The following TRIO variants were observed in gnomAD, a reference collection of about 807,000 sequenced individuals.
The protein encoded by TRIO is trio Rho guanine nucleotide exchange factor.
In TRIO, 58 loss-of-function variants were observed where a neutral mutation model predicts 351.9. That is an observed-to-expected ratio of 0.16 (90% confidence interval 0.13 to 0.21). TRIO has a LOEUF of 0.21. Ranked by LOEUF, TRIO falls within the 10% of genes least tolerant of loss-of-function variation. TRIO has a pLI of 1.00. For missense variants in TRIO, 3,201 were observed against 4,027.8 expected (o/e 0.79, Z 5.56); for synonymous variants, 1,758 against 1,595.7 (o/e 1.10, Z -2.42).
chr5:14,172,644 C>T (rs1334002038), intron 1 of TRIO, among the ~76,000 whole-genome samples: 1 of 152,120 alleles, frequency 6.6e-6, no homozygotes, highest in African/African-American at 2.4e-5. Flanking sequence ...CAGTGAAGTG[C>T]GGAATTAGAG....
intron 33 of TRIO, among the ~76,000 whole-genome samples, chr5:14,417,531 C>G (rs1324083278): frequency 2.0e-5 from 3 of 152,222 alleles, no homozygotes; most frequent in African/African-American, 7.2e-5. Context: ...TCCTGGGTCT[C>G]TGGGTGTGGG....
Position 14,498,980 on chromosome 5 carries a change from G to A in TRIO, c.8332+340G>A, listed in dbSNP as rs1045340879. 66 of 261,504 alleles carry A rather than the reference G, an allele frequency of 2.5e-4. 1 individual carries two copies. Among genetic ancestry groups the A allele is most frequent in the Admixed American group, 1.8e-3 (40 of 22,356 alleles). The allele number at this position is 261,504 out of a possible 1,614,324, so 16.2% of individuals were successfully genotyped here. ...TCTGAGTTGGAGCAGGGTGCTTTCC[G>A]TGCTCCTAGTACTCAAAACACTCAT... is the stretch of plus-strand genomic sequence containing the variant. On this transcript the variant is annotated intron_variant, in intron 53 of 56. Transcript: ENST00000344204.
intron 1 of TRIO, among the ~76,000 whole-genome samples, chr5:14,202,333 T>C: frequency 8.7e-6 from 1 of 115,370 alleles, no homozygotes; most frequent in Non-Finnish European, 1.8e-5. Context: ...TTTTTTTTGC[T>C]CATCAGCTAT....
At chr5:14,157,599 CTT>C (rs1306972979) in intron 1 of TRIO, among the ~76,000 whole-genome samples, 3 of 151,592 alleles carry the variant, frequency 2.0e-5, no homozygotes, top group African/African-American at 7.3e-5. Flanking sequence ...CTCTTTCTCT[CTT>C]TCTTTCGAGA....
intron 1 of TRIO, among the ~76,000 whole-genome samples, chr5:14,177,172 A>G (rs1789456248): frequency 6.6e-6 from 1 of 152,204 alleles, no homozygotes; most frequent in African/African-American, 2.4e-5. Flanking sequence ...TTATTCTGGA[A>G]TTCACTTGAG....
At chr5:14,480,130 A>G in intron 43 of TRIO, 119 bp downstream of exon 43, 1 of 868,620 alleles carries the variant, frequency 1.2e-6, no homozygotes, top group Admixed American at 2.4e-5. Flanking sequence ...CAGGTATATT[A>G]TTTCTGATAA....
At chr5:14,357,243 C>A (rs1029514920) in intron 11 of TRIO, among the ~76,000 whole-genome samples, 9 of 152,226 alleles carry the variant, frequency 5.9e-5, no homozygotes, top group African/African-American at 9.6e-5. Flanking sequence ...CGACTTGCCC[C>A]ATCTCACCAG....
intron 56 of TRIO, 51 bp downstream of exon 56, chr5:14,507,311 C>T (rs753767000): frequency 1.3e-6 from 2 of 1,598,126 alleles, no homozygotes; most frequent in Admixed American, 1.8e-5. Context: ...ACCGGCTTGG[C>T]CATGCGGGAC....
intron 11 of TRIO, among the ~76,000 whole-genome samples, chr5:14,357,792 C>T (rs896066916): frequency 3.3e-5 from 5 of 152,118 alleles, no homozygotes; most frequent in African/African-American, 4.8e-5. Context: ...AGTAAGAGCC[C>T]GAGACATATC....
chr5:14,367,095 G>A (rs1366961558), intron 16 of TRIO, 116 bp downstream of exon 16: 53 of 1,410,388 alleles, frequency 3.8e-5, no homozygotes, highest in African/African-American at 2.9e-5. Context: ...TGGTAAAGAC[G>A]ACTCAGAGGA....
chr5:14,416,842 T>C (rs1267247684), intron 33 of TRIO, among the ~76,000 whole-genome samples: 2 of 152,174 alleles, frequency 1.3e-5, no homozygotes, highest in East Asian at 3.9e-4. Flanking sequence ...GATGAGACAG[T>C]GCACTTCCCA....
At chr5:14,344,333 A>G (rs1199045410) in intron 11 of TRIO, among the ~76,000 whole-genome samples, 1 of 152,224 alleles carries the variant, frequency 6.6e-6, no homozygotes, top group Non-Finnish European at 1.5e-5. Context: ...TGGTCTTCCC[A>G]TTGGTGGGAA....
At chr5:14,163,150 T>C (rs1788572291) in intron 1 of TRIO, among the ~76,000 whole-genome samples, 1 of 152,200 alleles carries the variant, frequency 6.6e-6, no homozygotes, top group African/African-American at 2.4e-5. Flanking sequence ...TTAGTCCTTA[T>C]GCCCTCCCTC....
At chr5:14,477,374 T>C (rs1755161902) in intron 41 of TRIO, 1 of 153,930 alleles carries the variant, frequency 6.5e-6, no homozygotes, top group African/African-American at 2.4e-5. Flanking sequence ...AAAATCATGA[T>C]ATATTTTTAG....
intron 34 of TRIO, among the ~76,000 whole-genome samples, chr5:14,431,873 A>G (rs3891267): frequency 2.0e-5 from 3 of 152,158 alleles, no homozygotes; most frequent in African/African-American, 2.4e-5. Context: ...GATTCTCCAT[A>G]TAGCTGTCTA....
intron 1 of TRIO, among the ~76,000 whole-genome samples, chr5:14,169,768 A>G (rs1788991765): frequency 6.6e-6 from 1 of 152,260 alleles, no homozygotes; most frequent in Non-Finnish European, 1.5e-5. Flanking sequence ...TACCTTTGGA[A>G]AATTAAAGTG....
At chr5:14,340,397 G>GAAAA (rs33944910) in intron 11 of TRIO, among the ~76,000 whole-genome samples, 1 of 131,518 alleles carries the variant, frequency 7.6e-6, no homozygotes, top group Non-Finnish European at 1.6e-5. Flanking sequence ...ACTCCGTCTG[G>GAAAA]AAAAAAAAAA....
In TRIO at chr5:14,489,220, C is replaced by T. The variant is rs568834802; in HGVS notation, c.7632+960C>T. ...TCTCTTTCCTCTGGACTTATTAATG[C>T]CTTAATTGGTTTGACTTGGTCTTAT... On this transcript the variant is annotated intron_variant, in intron 48 of 56. Coordinates refer to ENST00000344204, the MANE Select transcript of TRIO (RefSeq NM_007118.4). The T allele has an allele frequency of 3.2e-4, 172 of 538,024 alleles. 1 individual carries two copies. The highest frequency in any genetic ancestry group is 1.5e-3 in the Middle Eastern group (4 of 2,754). 33.3% of individuals were successfully genotyped at this position (538,024 alleles called of 1,614,324 possible).
intron 33 of TRIO, among the ~76,000 whole-genome samples, chr5:14,417,897 A>G (rs1448930804): frequency 1.3e-5 from 2 of 152,060 alleles, no homozygotes; most frequent in African/African-American, 4.8e-5. Flanking sequence ...TGAGGAGGAG[A>G]CCCACTCCTA....
Sources: gnomAD v4.1 joint callset for allele counts (sites outside exome capture counted in the v4.1 genomes callset) on GRCh38, gnomAD v4.1.1 for gene constraint, MANE v1.5 for transcripts, NCBI Gene and HGNC (gene_info 2026-07-23, HGNC 2026-07-21) for gene names.